LUZP2: variants seen among roughly 807,000 people sequenced by gnomAD.
LUZP2 encodes leucine zipper protein 2.
In LUZP2, 52 loss-of-function variants were observed where a neutral mutation model predicts 51.6. The observed-to-expected ratio is 1.01, with a 90% CI of 0.81 to 1.27. LUZP2 has a LOEUF of 1.27. Among genes scored for constraint, LUZP2 ranks in the 50% most tolerant of loss-of-function variants. The pLI is 0.00. For missense variants in LUZP2, 436 were observed against 395.4 expected (o/e 1.10, Z -0.87); for synonymous variants, 154 against 137.3 (o/e 1.12, Z -0.85).
intron 1 of LUZP2, among the ~76,000 whole-genome samples, chr11:24,694,569 G>A (rs1048478696): frequency 2.0e-5 from 3 of 152,000 alleles, no homozygotes; most frequent in Non-Finnish European, 2.9e-5. Flanking sequence ...TCCCATTACT[G>A]GGTATATACC....
intron 1 of LUZP2, among the ~76,000 whole-genome samples, chr11:24,635,652 A>G (rs1291192599): frequency 6.6e-6 from 1 of 152,162 alleles, no homozygotes; most frequent in Non-Finnish European, 1.5e-5. Context: ...TCTTCTATAA[A>G]ACAACTGAAA....
intron 1 of LUZP2, among the ~76,000 whole-genome samples, chr11:24,565,682 G>A (rs1220009968): frequency 6.6e-6 from 1 of 152,062 alleles, no homozygotes; most frequent in Non-Finnish European, 1.5e-5. Flanking sequence ...GCTAGAAGAA[G>A]TTTTAATATC....
chr11:25,008,756 A>C (rs1856904479), intron 9 of LUZP2, among the ~76,000 whole-genome samples: 1 of 152,128 alleles, frequency 6.6e-6, no homozygotes, highest in Non-Finnish European at 1.5e-5. Context: ...TGAGAGGGGA[A>C]GCCCTCTTAT....
chr11:24,724,617 A>G (rs954290978), intron 1 of LUZP2, among the ~76,000 whole-genome samples: 2 of 152,216 alleles, frequency 1.3e-5, no homozygotes, highest in African/African-American at 4.8e-5. Flanking sequence ...GTCAAGGACA[A>G]GACAGAAGGT....
chr11:25,034,590 T>C (rs1857792270), intron 9 of LUZP2, among the ~76,000 whole-genome samples: 1 of 152,132 alleles, frequency 6.6e-6, no homozygotes. Flanking sequence ...ATATTGTGAA[T>C]TTTTGTATAT....
At chr11:24,994,095 A>G (rs1197752758) in intron 9 of LUZP2, among the ~76,000 whole-genome samples, 2 of 150,626 alleles carry the variant, frequency 1.3e-5, no homozygotes, top group Non-Finnish European at 2.9e-5. Flanking sequence ...TGCTGACGTC[A>G]TAATCTGCCT....
At chr11:24,786,322 A>G (rs1849244430) in intron 5 of LUZP2, 1 of 981,946 alleles carries the variant, frequency 1.0e-6, no homozygotes, top group Non-Finnish European at 1.2e-6. Flanking sequence ...TACCACGGGA[A>G]AAAAGTAGTC....
At chr11:24,590,007 G>T (rs182674305) in intron 1 of LUZP2, among the ~76,000 whole-genome samples, 488 of 152,080 alleles carry the variant, frequency 3.2e-3, no homozygotes, top group Non-Finnish European at 5.6e-3. Context: ...ACTATTTTTT[G>T]TGTAATGTAC....
chr11:24,752,301 A>T (rs557395501), intron 4 of LUZP2, among the ~76,000 whole-genome samples: 1 of 152,342 alleles, frequency 6.6e-6, no homozygotes, highest in East Asian at 1.9e-4. Flanking sequence ...AAGATTGTTA[A>T]TGAATTTAAG....
chr11:24,917,234 C>T (rs564696266), intron 7 of LUZP2, among the ~76,000 whole-genome samples: 2 of 152,142 alleles, frequency 1.3e-5, no homozygotes, highest in East Asian at 3.9e-4. Flanking sequence ...TGAATATTAG[C>T]CCTTTGACAG....
chr11:24,644,485 C>A (rs1436653599), intron 1 of LUZP2, among the ~76,000 whole-genome samples: 3 of 152,000 alleles, frequency 2.0e-5, no homozygotes, highest in Admixed American at 6.6e-5. Flanking sequence ...TCCTTTCCAA[C>A]CTCTCTTTTT....
chr11:24,954,435 C>T (rs917309280), intron 7 of LUZP2, among the ~76,000 whole-genome samples: 9 of 151,982 alleles, frequency 5.9e-5, no homozygotes, highest in African/African-American at 1.9e-4. Context: ...GGCAGAGAGA[C>T]CTACCACTTG....
intron 9 of LUZP2, among the ~76,000 whole-genome samples, chr11:25,025,861 C>T (rs936562098): frequency 6.6e-6 from 1 of 152,120 alleles, no homozygotes; most frequent in African/African-American, 2.4e-5. Flanking sequence ...TATTGTGGCA[C>T]TATTCACAAT....
chr11:24,938,160 T>C (rs1034067379), intron 7 of LUZP2, among the ~76,000 whole-genome samples: 2 of 152,150 alleles, frequency 1.3e-5, no homozygotes, highest in South Asian at 4.1e-4. Flanking sequence ...TAAGTTTTAG[T>C]ATTTTTGTGG....
intron 5 of LUZP2, among the ~76,000 whole-genome samples, chr11:24,849,258 C>T (rs1284197539): frequency 1.3e-5 from 2 of 152,070 alleles, no homozygotes; most frequent in Non-Finnish European, 2.9e-5. Context: ...TTAGGTATTT[C>T]TCCTAATGCT....
intron 1 of LUZP2, among the ~76,000 whole-genome samples, chr11:24,713,683 G>GTTTTT (rs374748977): frequency 2.3e-4 from 21 of 89,672 alleles, no homozygotes; most frequent in Admixed American, 3.1e-4. Context: ...GTGAGAATCT[G>GTTTTT]TTTTTTTTTT....
intron 1 of LUZP2, among the ~76,000 whole-genome samples, chr11:24,527,345 G>A (rs371768778): frequency 1.4e-3 from 204 of 150,778 alleles, no homozygotes; most frequent in African/African-American, 4.8e-3. Context: ...AGTCAAAATG[G>A]CACTGATTTT....
chr11:24,864,356 AT>A (rs763586450), intron 5 of LUZP2, among the ~76,000 whole-genome samples: 1 of 152,194 alleles, frequency 6.6e-6, no homozygotes, highest in South Asian at 2.1e-4. Context: ...GAAATAAGGG[AT>A]TTTTTGTGCC....
intron 7 of LUZP2, among the ~76,000 whole-genome samples, chr11:24,946,593 G>T (rs1175416712): frequency 1.3e-5 from 2 of 151,898 alleles, no homozygotes; most frequent in Admixed American, 1.3e-4. Context: ...GTGAAGAATA[G>T]AAATCTTATA....
Sources: allele counts gnomAD v4.1 joint callset (sites outside exome capture counted in the v4.1 genomes callset), GRCh38; gene constraint gnomAD v4.1.1; transcripts MANE v1.5; gene names NCBI Gene and HGNC (gene_info 2026-07-23, HGNC 2026-07-21).